The following FDFT1 variants were observed in gnomAD, a reference collection of about 807,000 sequenced individuals.
The protein encoded by FDFT1 is farnesyl-diphosphate farnesyltransferase 1, also known as squalene synthase.
FDFT1 carries 68 observed loss-of-function variants against 46.8 expected under a neutral mutation model. That is an observed-to-expected ratio of 1.45 (90% CI 1.19 to 1.78). The LOEUF (loss-of-function observed/expected upper bound fraction) is 1.78, where lower values mean the gene tolerates loss of function less well. Among genes scored for constraint, FDFT1 ranks in the 40% most tolerant of loss-of-function variants. The pLI is 0.00. For synonymous variants in FDFT1, 351 were observed against 185.1 expected (o/e 1.90, Z -7.28); for missense variants, 928 against 524.4 (o/e 1.77, Z -7.52).
chr8:11,837,242 G>GT (rs200087386), intron 7 of FDFT1, among the ~76,000 whole-genome samples: 1 of 151,228 alleles, frequency 6.6e-6, no homozygotes, highest in African/African-American at 2.5e-5. Flanking sequence ...GTTTTTGTTT[G>GT]TTTTTTGAGA....
Position 11,831,474 on chromosome 8 carries a change from C to G in FDFT1, c.880-44C>G, listed in dbSNP as rs376586264. On this transcript the variant is annotated intron_variant, in intron 6 of 7. Transcript: ENST00000220584. The stretch of plus-strand genomic sequence containing the variant: ...ACCTTTTTGTGATAATGATAGCTAA[C>G]GACATCATTTCTTCTTTTTTCCCTC... 5 of 1,563,204 alleles carry G rather than the reference C, an allele frequency of 3.2e-6. No homozygotes were observed. In the South Asian group the frequency reaches 3.4e-5, roughly 11 times the overall value.
At chr8:11,800,133 C>A (rs544272553), upstream of FDFT1, among the ~76,000 whole-genome samples, 1 of 140,466 alleles carries the variant, frequency 7.1e-6, no homozygotes, top group South Asian at 2.3e-4. Flanking sequence ...GGTGGTTGGG[C>A]GCCTGTAATC....
In FDFT1 at chr8:11,818,813, C is replaced by G. The variant is rs552286247; in HGVS notation, c.382-2937C>G. ...GGGCCTTGACTGTTTATCCAATTTG[C>G]CAGTCTGCGTCTTTTAACTGGGGCA... is the stretch of plus-strand genomic sequence containing the variant. On this transcript the variant is annotated intron_variant, in intron 3 of 7. Transcript: ENST00000220584. Among the ~76,000 whole-genome samples, 30 of 152,246 alleles carry G rather than the reference C, an allele frequency of 2.0e-4. 1 individual carries two copies. The East Asian group carries it at 2.1e-3, about 11-fold the overall frequency.
Position 11,802,762 on chromosome 8 carries a change from C to T in FDFT1, c.-71C>T, listed in dbSNP as rs1806290938. On this transcript the variant is annotated 5_prime_UTR_variant, in exon 1 of 8. Transcript: ENST00000220584. ...CCTCGAAGCACCTACTCCACAGGTC[C>T]AGCCGGCCGGTGAGCGCCTGGGGAC... 5.6e-6 allele frequency: 7 copies of T among 1,254,746 alleles called. No homozygotes were observed. In the African/African-American group the frequency reaches 6.0e-5, roughly 11 times the overall value. The allele number at this position is 1,254,746 out of a possible 1,614,324, so 77.7% of individuals were successfully genotyped here.
At chr8:11,800,580 C>A (rs542146222), upstream of FDFT1, among the ~76,000 whole-genome samples, 1 of 152,318 alleles carries the variant, frequency 6.6e-6, no homozygotes, top group South Asian at 2.1e-4. Flanking sequence ...AAGGTTGAAA[C>A]ACCTTCAAAT....
intron 3 of FDFT1, among the ~76,000 whole-genome samples, chr8:11,821,393 C>G (rs1442953525): frequency 6.6e-6 from 1 of 152,172 alleles, no homozygotes; most frequent in Non-Finnish European, 1.5e-5. Context: ...GAATTTGAGA[C>G]CAGCTTGGCC....
At chr8:11,816,943 T>C (rs991898175) in intron 3 of FDFT1, among the ~76,000 whole-genome samples, 8 of 152,236 alleles carry the variant, frequency 5.3e-5, no homozygotes, top group African/African-American at 1.7e-4. Flanking sequence ...CCTTGTCTTG[T>C]GCAGGTTTTC....
chr8:11,802,533 A>T, upstream of FDFT1: 1 of 551,320 alleles, frequency 1.8e-6, no homozygotes, highest in Non-Finnish European at 3.5e-6. Flanking sequence ...GCCTCCAATG[A>T]GCTTCTAGAG....
chr8:11,798,744 C>T (rs543318013), upstream of FDFT1, among the ~76,000 whole-genome samples: 311 of 152,264 alleles, frequency 2.0e-3, 1 homozygote, highest in African/African-American at 6.8e-3. Context: ...ATTGAGCACC[C>T]AATAAATATT....
chr8:11,803,602 C>T (rs778651627), intron 1 of FDFT1: 12 of 625,390 alleles, frequency 1.9e-5, no homozygotes, highest in Middle Eastern at 6.9e-4. Flanking sequence ...TGTTTTTATT[C>T]CAACAAGAAA....
At chr8:11,804,670 G>T (rs1806590240) in intron 1 of FDFT1, among the ~76,000 whole-genome samples, 1 of 148,956 alleles carries the variant, frequency 6.7e-6, no homozygotes, top group African/African-American at 2.5e-5. Context: ...GTGGTGGCGG[G>T]ACCTCAGCTA....
chr8:11,825,597 A>G (rs1431053966), intron 4 of FDFT1, among the ~76,000 whole-genome samples: 1 of 151,920 alleles, frequency 6.6e-6, no homozygotes, highest in Non-Finnish European at 1.5e-5. Context: ...ATTTGCCTAC[A>G]ATCCCAGCTG....
upstream of FDFT1, among the ~76,000 whole-genome samples, chr8:11,797,273 G>A (rs1805653633): frequency 6.6e-6 from 1 of 152,130 alleles, no homozygotes; most frequent in African/African-American, 2.4e-5. Context: ...TGCAGCAGCG[G>A]TTGTTTAAGC....
At chr8:11,796,639 G>T (rs76602811) in intron 1 of FDFT1, among the ~76,000 whole-genome samples, 2,130 of 152,280 alleles carry the variant, frequency 0.014, 53 homozygotes, top group African/African-American at 0.049. Context: ...GAAGTTGGAA[G>T]CAGCTGATAG....
intron 1 of FDFT1, chr8:11,803,549 C>G (rs983287027): frequency 1.5e-5 from 16 of 1,094,872 alleles, no homozygotes; most frequent in Middle Eastern, 4.0e-4. Flanking sequence ...AGATTTTTAT[C>G]TGCCTCATGC....
chr8:11,821,848 G>T lies in FDFT1; in HGVS notation c.480G>T (p.Lys160Asn), dbSNP rs779612285. The change falls in exon 4 of 8, where the codon AAG becomes AAT. Residue 160 changes from lysine to asparagine, a missense_variant. By Grantham distance (94) the Lys-to-Asn change is moderately conservative (BLOSUM62 0). Transcript: ENST00000220584. The stretch of plus-strand genomic sequence containing the variant: ...TTGGGATGGCAGAGTTTTTGGATAA[G>T]CATGTGACCTCTGAACAGGAGTGGG... Reference protein sequence around the residue: ...MGIGMAEFLDKHVTSEQEWDK... With the variant: ...MGIGMAEFLDNHVTSEQEWDK... The T allele has an allele frequency of 1.2e-6, 2 of 1,613,412 alleles. No individual in the cohort carries two copies. Among genetic ancestry groups the T allele is most frequent in the Non-Finnish European group, 1.7e-6 (2 of 1,179,440 alleles).
intron 5 of FDFT1, 56 bp downstream of exon 5, chr8:11,826,271 C>A: frequency 7.5e-7 from 1 of 1,333,556 alleles, no homozygotes; most frequent in South Asian, 1.7e-5. Flanking sequence ...TCTGAAAAAT[C>A]CTTTAACTCT....
At chr8:11,820,362 G>A (rs1025956493) in intron 3 of FDFT1, among the ~76,000 whole-genome samples, 3 of 152,230 alleles carry the variant, frequency 2.0e-5, no homozygotes, top group African/African-American at 7.2e-5. Flanking sequence ...CGAGCTGGGA[G>A]AACCACTGCT....
intron 1 of FDFT1, among the ~76,000 whole-genome samples, chr8:11,807,309 C>G (rs2179010): frequency 0.55 from 84,044 of 151,788 alleles, 23,966 homozygotes; most frequent in East Asian, 0.69. Flanking sequence ...CGCCACCACA[C>G]CTGGCTTTTT....
Sources: gnomAD v4.1 joint callset for allele counts (sites outside exome capture counted in the v4.1 genomes callset) on GRCh38, gnomAD v4.1.1 for gene constraint, MANE v1.5 for transcripts, NCBI Gene and HGNC (gene_info 2026-07-23, HGNC 2026-07-21) for gene names.